The following SGCZ variants were observed in gnomAD, a reference collection of about 807,000 sequenced individuals.
The protein encoded by SGCZ is zeta-sarcoglycan.
SGCZ carries 40 observed loss-of-function variants against 41.3 expected under a neutral mutation model. That is an observed-to-expected ratio of 0.97 (90% CI 0.75 to 1.26). The LOEUF is 1.26. Ranked by LOEUF, SGCZ falls within the 50% of genes most tolerant of loss-of-function variation. The pLI is 0.00. For missense variants in SGCZ, 552 were observed against 369.8 expected, an observed-to-expected ratio of 1.49 and a Z score of -4.04; for synonymous variants, 206 against 137.5, an observed-to-expected ratio of 1.50 and a Z score of -3.49.
chr8:14,262,112 T>C (rs2117237108), intron 3 of SGCZ, among the ~76,000 whole-genome samples: 1 of 152,286 alleles, frequency 6.6e-6, no homozygotes, highest in African/African-American at 2.4e-5. Flanking sequence ...TGAGTATCAA[T>C]TAGCAAATGA....
chr8:14,221,295 A>C (rs1364185303), intron 4 of SGCZ, among the ~76,000 whole-genome samples: 1 of 152,230 alleles, frequency 6.6e-6, no homozygotes, highest in Non-Finnish European at 1.5e-5. Flanking sequence ...TCTATGAATT[A>C]CTAAAAGCTT....
At chr8:14,596,656 A>G (rs1210692839) in intron 1 of SGCZ, among the ~76,000 whole-genome samples, 1 of 152,108 alleles carries the variant, frequency 6.6e-6, no homozygotes, top group Admixed American at 6.6e-5. Context: ...TGTGGGAGAC[A>G]CACCAGGGTC....
intron 1 of SGCZ, among the ~76,000 whole-genome samples, chr8:15,228,070 G>C (rs1217613717): frequency 1.3e-5 from 2 of 152,142 alleles, no homozygotes; most frequent in African/African-American, 2.4e-5. Flanking sequence ...GTCGATACTT[G>C]CAGATGTTAA....
At chr8:14,361,386 T>C (rs1803506531) in intron 2 of SGCZ, among the ~76,000 whole-genome samples, 1 of 152,194 alleles carries the variant, frequency 6.6e-6, no homozygotes, top group Admixed American at 6.5e-5. Flanking sequence ...TTCTTTTCAC[T>C]CTTTTTTCTC....
chr8:15,010,053 C>G (rs1370520663), intron 1 of SGCZ, among the ~76,000 whole-genome samples: 1 of 151,840 alleles, frequency 6.6e-6, no homozygotes, highest in African/African-American at 2.4e-5. Flanking sequence ...ACCTTTAATA[C>G]AAAAAGAAGA....
At chr8:14,729,249 T>A (rs543586804) in intron 1 of SGCZ, among the ~76,000 whole-genome samples, 4 of 152,286 alleles carry the variant, frequency 2.6e-5, no homozygotes, top group African/African-American at 9.6e-5. Context: ...ACGACAACGC[T>A]TAATGACTGC....
At chr8:14,898,475 A>C (rs1805285866) in intron 1 of SGCZ, among the ~76,000 whole-genome samples, 3 of 152,206 alleles carry the variant, frequency 2.0e-5, no homozygotes, top group Non-Finnish European at 2.9e-5. Context: ...TATTCTGAGA[A>C]GATATTGGGC....
At chr8:15,019,346 G>C (rs1803163601) in intron 1 of SGCZ, among the ~76,000 whole-genome samples, 1 of 152,166 alleles carries the variant, frequency 6.6e-6, no homozygotes, top group Non-Finnish European at 1.5e-5. Context: ...GAAGGATAAA[G>C]GGCAACCGTG....
At chr8:14,344,839 T>A (rs62734562) in intron 2 of SGCZ, among the ~76,000 whole-genome samples, 1 of 135,444 alleles carries the variant, frequency 7.4e-6, no homozygotes, top group South Asian at 2.2e-4. Flanking sequence ...AAAACTACAA[T>A]TTTTTTTTAA....
chr8:14,313,341 A>G (rs1213566878), intron 3 of SGCZ, among the ~76,000 whole-genome samples: 1 of 152,138 alleles, frequency 6.6e-6, no homozygotes, highest in Non-Finnish European at 1.5e-5. Context: ...ATTTTGAGAC[A>G]CAGACTCGCT....
chr8:14,227,242 A>C (rs7834540), intron 4 of SGCZ, among the ~76,000 whole-genome samples: 90,452 of 151,576 alleles, frequency 0.6, 27,289 homozygotes, highest in East Asian at 0.76. Flanking sequence ...ATGGCAAAAA[A>C]AATGTAAGAA....
rs577346726 is a variant in SGCZ, at chr8:14,591,356, T to C, written c.40-36430A>G. Among the ~76,000 whole-genome samples the C allele has an allele frequency of 2.0e-5, 3 of 152,090 alleles. No homozygotes were observed. The East Asian group carries it at 5.8e-4, about 29-fold the overall frequency. ...TCCAGGCCCCTTTTAAACAAATGAA[T>C]TGATATGTTATTAATCTTATATTTC... On this transcript the variant is annotated intron_variant, in intron 1 of 7. Coordinates refer to ENST00000382080, the MANE Select transcript of SGCZ (RefSeq NM_139167.4).
intron 1 of SGCZ, among the ~76,000 whole-genome samples, chr8:14,995,095 A>G (rs1411707421): frequency 6.6e-6 from 1 of 152,254 alleles, no homozygotes; most frequent in Non-Finnish European, 1.5e-5. Context: ...CTCTAGGAGA[A>G]ATGCTTGCAG....
At chr8:14,624,004 A>C (rs561180355) in intron 1 of SGCZ, among the ~76,000 whole-genome samples, 1 of 152,306 alleles carries the variant, frequency 6.6e-6, no homozygotes, top group East Asian at 1.9e-4. Flanking sequence ...ATTCAGGTAT[A>C]AAGTCCTAAC....
At chr8:15,098,825 G>A (rs568230300) in intron 1 of SGCZ, among the ~76,000 whole-genome samples, 2 of 152,282 alleles carry the variant, frequency 1.3e-5, no homozygotes, top group South Asian at 2.1e-4. Flanking sequence ...TTGGGAGGCC[G>A]ATGAGGGCGG....
chr8:14,547,425 G>A (rs149810890), intron 2 of SGCZ, among the ~76,000 whole-genome samples: 43 of 152,120 alleles, frequency 2.8e-4, no homozygotes, highest in South Asian at 1.0e-3. Context: ...TTATGTAAAC[G>A]CTTTTTATAT....
At chr8:14,198,053 C>T (rs61425218) in intron 4 of SGCZ, among the ~76,000 whole-genome samples, 2,062 of 152,222 alleles carry the variant, frequency 0.014, 63 homozygotes, top group African/African-American at 0.048. Flanking sequence ...CACAATAATA[C>T]ATTATAGCAG....
At chr8:14,600,781 A>G (rs1805566586) in intron 1 of SGCZ, among the ~76,000 whole-genome samples, 1 of 152,202 alleles carries the variant, frequency 6.6e-6, no homozygotes. Flanking sequence ...ATTTAAGTAT[A>G]AAGTTTTAAA....
chr8:14,994,637 T>C (rs1802150984), intron 1 of SGCZ, among the ~76,000 whole-genome samples: 1 of 151,420 alleles, frequency 6.6e-6, no homozygotes, highest in African/African-American at 2.4e-5. Flanking sequence ...GGACTGCTCA[T>C]GGTAGATTAG....
Sources: gnomAD v4.1 joint callset for allele counts (sites outside exome capture counted in the v4.1 genomes callset) on GRCh38, gnomAD v4.1.1 for gene constraint, MANE v1.5 for transcripts, NCBI Gene and HGNC (gene_info 2026-07-23, HGNC 2026-07-21) for gene names.